Variants in TLN2 observed in about 807,000 individuals in gnomAD.
The protein encoded by TLN2 is talin-2.
Under a neutral mutation model 294.7 loss-of-function variants are expected in TLN2, and 118 were observed. That is an observed-to-expected ratio of 0.40 (90% CI 0.34 to 0.47). TLN2 has a LOEUF of 0.47. Ranked by LOEUF, TLN2 falls within the 20% of genes least tolerant of loss-of-function variation. The pLI, the probability that TLN2 is intolerant of heterozygous loss-of-function variation, is 0.84. For synonymous variants in TLN2, 1,431 were observed against 1,304.5 expected (o/e 1.10, Z -2.09); for missense variants, 3,083 against 3,282.2 (o/e 0.94, Z 1.48).
At chr15:62,531,511 T>A (rs994407644) in intron 1 of TLN2, among the ~76,000 whole-genome samples, 1 of 152,154 alleles carries the variant, frequency 6.6e-6, no homozygotes, top group African/African-American at 2.4e-5. Flanking sequence ...GTGAATATAG[T>A]AAATAAGAAT....
At chr15:62,652,781 C>A (rs1468228114) in intron 6 of TLN2, among the ~76,000 whole-genome samples, 1 of 152,104 alleles carries the variant, frequency 6.6e-6, no homozygotes, top group African/African-American at 2.4e-5. Context: ...TTCACTACTA[C>A]ATTTTTAGGA....
chr15:62,778,200 G>A (rs2063852673), intron 43 of TLN2, among the ~76,000 whole-genome samples: 2 of 152,218 alleles, frequency 1.3e-5, no homozygotes, highest in African/African-American at 4.8e-5. Flanking sequence ...AGGGTGGAAT[G>A]CTGCGTCTCC....
chr15:62,398,163 G>A (rs2032717513), intron 1 of TLN2, among the ~76,000 whole-genome samples: 2 of 152,114 alleles, frequency 1.3e-5, no homozygotes, highest in Admixed American at 1.3e-4. Flanking sequence ...TGAACCATGG[G>A]GGTGCTATAC....
At chr15:62,613,596 A>G (rs955837988) in intron 2 of TLN2, among the ~76,000 whole-genome samples, 2 of 152,168 alleles carry the variant, frequency 1.3e-5, no homozygotes, top group African/African-American at 4.8e-5. Context: ...GAAATATATA[A>G]GCTACATCCT....
chr15:62,568,715 A>G (rs1303210547), intron 1 of TLN2, among the ~76,000 whole-genome samples: 3 of 152,146 alleles, frequency 2.0e-5, no homozygotes, highest in Non-Finnish European at 4.4e-5. Flanking sequence ...TGTCCTTTGG[A>G]AAACATCCTT....
At chr15:62,507,991 T>G (rs192691616) in intron 1 of TLN2, among the ~76,000 whole-genome samples, 1 of 152,302 alleles carries the variant, frequency 6.6e-6, no homozygotes, top group African/African-American at 2.4e-5. Flanking sequence ...TTTCAAGGTT[T>G]TTTTTTGTTT....
intron 9 of TLN2, among the ~76,000 whole-genome samples, chr15:62,673,562 G>A (rs2055751487): frequency 6.5e-5 from 1 of 15,422 alleles, no homozygotes; most frequent in Non-Finnish European, 1.3e-4. Flanking sequence ...ATACTCTTGT[G>A]CTCTTTTTTT....
chr15:62,838,810 A>C (rs754333617), intron 57 of TLN2, 46 bp from the exon 58 acceptor site: 1 of 1,601,860 alleles, frequency 6.2e-7, no homozygotes, highest in Non-Finnish European at 8.5e-7. Flanking sequence ...GCCAGGCCCA[A>C]ATGGCTGTTT....
At chr15:62,795,364 G>C (rs2065400173) in intron 46 of TLN2, among the ~76,000 whole-genome samples, 1 of 152,150 alleles carries the variant, frequency 6.6e-6, no homozygotes, top group Non-Finnish European at 1.5e-5. Context: ...AGCCAGGGGA[G>C]ATTTGTAAGC....
intron 1 of TLN2, among the ~76,000 whole-genome samples, chr15:62,575,760 C>G (rs755168395): frequency 6.6e-6 from 1 of 152,196 alleles, no homozygotes; most frequent in Non-Finnish European, 1.5e-5. Context: ...TATCAGTGTT[C>G]AAGCTATAGT....
intron 1 of TLN2, among the ~76,000 whole-genome samples, chr15:62,532,053 C>CT (rs68187150): frequency 0.3 from 42,765 of 144,608 alleles, 6,631 homozygotes; most frequent in East Asian, 0.55. Context: ...TTTCTCTTTT[C>CT]TTTTTTTTTT....
Position 62,698,782 on chromosome 15 carries a change from C to G in TLN2, c.1502C>G (p.Thr501Ser). Residue 501 changes from threonine to serine, a missense_variant, in exon 16 of 59, where the codon ACC becomes AGC. By Grantham distance (58) the Thr-to-Ser change is moderately conservative. Transcript: ENST00000636159. ...LTSAQQALMG[T>S]INTSMHAVQQ... ...TCAGCCCAGCAGGCCCTGATGGGGA[C>G]CATCAACACAAGCATGCACGCCGTC... is the stretch of plus-strand genomic sequence containing the variant. 6.2e-7 allele frequency: 1 copy of G among 1,611,808 alleles called. No individual in the cohort carries two copies. Among genetic ancestry groups the G allele is most frequent in the Non-Finnish European group, 8.5e-7 (1 of 1,179,944 alleles).
At chr15:62,569,731 ATGT>A (rs749465539) in intron 1 of TLN2, among the ~76,000 whole-genome samples, 1 of 152,220 alleles carries the variant, frequency 6.6e-6, no homozygotes, top group African/African-American at 2.4e-5. Context: ...CGTGAGAGAA[ATGT>A]TGTGATCGTG....
intron 8 of TLN2, among the ~76,000 whole-genome samples, chr15:62,656,624 C>T (rs980392600): frequency 3.3e-5 from 5 of 152,204 alleles, no homozygotes; most frequent in African/African-American, 1.2e-4. Flanking sequence ...TCAAGGAAAA[C>T]ATCATCCATC....
chr15:62,780,391 C>T (rs1481011264), intron 43 of TLN2, among the ~76,000 whole-genome samples: 1 of 152,080 alleles, frequency 6.6e-6, no homozygotes, highest in African/African-American at 2.4e-5. Flanking sequence ...TTTACTGTAA[C>T]CATGTGATGC....
At chr15:62,563,208 A>G (rs1443116605) in intron 1 of TLN2, among the ~76,000 whole-genome samples, 1 of 152,128 alleles carries the variant, frequency 6.6e-6, no homozygotes, top group African/African-American at 2.4e-5. Flanking sequence ...TTACATTCCC[A>G]CCAGCAGTGT....
chr15:62,511,663 G>A (rs906798683), intron 1 of TLN2, among the ~76,000 whole-genome samples: 2 of 151,246 alleles, frequency 1.3e-5, no homozygotes, highest in African/African-American at 2.4e-5. Flanking sequence ...GGGAGTAAGC[G>A]GTATGCTTCA....
At chr15:62,403,475 C>T (rs945186840) in intron 1 of TLN2, among the ~76,000 whole-genome samples, 9 of 152,170 alleles carry the variant, frequency 5.9e-5, no homozygotes, top group Admixed American at 1.3e-4. Flanking sequence ...TCAAGTGATC[C>T]GCCTGCCTTG....
intron 54 of TLN2, among the ~76,000 whole-genome samples, chr15:62,826,896 T>A (rs1427619189): frequency 6.6e-6 from 1 of 152,150 alleles, no homozygotes; most frequent in East Asian, 1.9e-4. Context: ...TTTTTTAAAG[T>A]TTCTGATGCA....
Sources: allele counts gnomAD v4.1 joint callset (sites outside exome capture counted in the v4.1 genomes callset), GRCh38; gene constraint gnomAD v4.1.1; transcripts MANE v1.5; gene names NCBI Gene and HGNC (gene_info 2026-07-23, HGNC 2026-07-21).